ABHD17C: variants seen among roughly 807,000 people sequenced by gnomAD.
ABHD17C encodes the protein abhydrolase domain containing 17C, depalmitoylase.
A neutral mutation model predicts 27.9 loss-of-function variants in ABHD17C; 11 were observed. The ratio of observed to expected loss-of-function variants is 0.39; its 90% CI spans 0.25 to 0.65. ABHD17C has a LOEUF of 0.65. Ranked by LOEUF, ABHD17C falls within the 30% of genes least tolerant of loss-of-function variation. The pLI is 0.45. For synonymous variants in ABHD17C, 233 were observed against 209.1 expected, an observed-to-expected ratio of 1.11 and a Z score of -0.98; for missense variants, 280 against 470.2, an observed-to-expected ratio of 0.60 and a Z score of 3.74.
chr15:80,738,761 G>A (rs916286293), intron 1 of ABHD17C, among the ~76,000 whole-genome samples: 2 of 152,142 alleles, frequency 1.3e-5, no homozygotes, highest in Admixed American at 1.3e-4. Flanking sequence ...GGGATGGGGT[G>A]CTCAGGAGGA....
At chr15:80,715,582 A>G (rs1406120797) in intron 1 of ABHD17C, among the ~76,000 whole-genome samples, 1 of 152,246 alleles carries the variant, frequency 6.6e-6, no homozygotes, top group Non-Finnish European at 1.5e-5. Context: ...AGGGAAAGAT[A>G]TGAATGAATG....
chr15:80,724,180 A>C (rs1232408611), intron 1 of ABHD17C, among the ~76,000 whole-genome samples: 1 of 151,996 alleles, frequency 6.6e-6, no homozygotes, highest in Non-Finnish European at 1.5e-5. Flanking sequence ...TCTACAAAAA[A>C]AATTAAAAAA....
chr15:80,718,875 A>G lies in ABHD17C; in HGVS notation c.590+22856A>G, dbSNP rs531882215. Among the ~76,000 whole-genome samples the G allele has an allele frequency of 2.0e-5, 3 of 152,298 alleles. No individual in the cohort carries two copies. The East Asian group carries it at 5.8e-4, about 29-fold the overall frequency. On this transcript the variant is annotated intron_variant, in intron 1 of 2. Transcript: ENST00000258884. ...GAGGAGAGAGATAATAACTTTGTGT[A>G]ACTTTGTCAGTCAGTCTGAATAATG...
At chr15:80,710,719 C>G (rs946456072) in intron 1 of ABHD17C, among the ~76,000 whole-genome samples, 1 of 151,714 alleles carries the variant, frequency 6.6e-6, no homozygotes, top group Non-Finnish European at 1.5e-5. Flanking sequence ...GATTTTTTTT[C>G]TTTTTTTTCT....
intron 1 of ABHD17C, among the ~76,000 whole-genome samples, chr15:80,704,271 T>A (rs1424363374): frequency 6.6e-6 from 1 of 152,132 alleles, no homozygotes; most frequent in Non-Finnish European, 1.5e-5. Flanking sequence ...TGGGGTTGGC[T>A]CCTCTCATCT....
At chr15:80,727,396 T>C (rs1894996549) in intron 1 of ABHD17C, among the ~76,000 whole-genome samples, 1 of 152,228 alleles carries the variant, frequency 6.6e-6, no homozygotes, top group Non-Finnish European at 1.5e-5. Context: ...ATGGTGCTTC[T>C]GTTAAAGAAT....
intron 1 of ABHD17C, among the ~76,000 whole-genome samples, chr15:80,746,437 CT>C (rs898513901): frequency 1.2e-4 from 18 of 148,240 alleles, no homozygotes; most frequent in African/African-American, 4.2e-4. Flanking sequence ...TACTTTCTGT[CT>C]TTTTTTTTTC....
At chr15:80,728,315 C>G (rs1271862692) in intron 1 of ABHD17C, among the ~76,000 whole-genome samples, 2 of 152,216 alleles carry the variant, frequency 1.3e-5, no homozygotes, top group African/African-American at 4.8e-5. Flanking sequence ...CTGGCGTCTT[C>G]CTGATGTACA....
At chr15:80,738,991 A>G (rs1275213983) in intron 1 of ABHD17C, among the ~76,000 whole-genome samples, 1 of 152,188 alleles carries the variant, frequency 6.6e-6, no homozygotes, top group Non-Finnish European at 1.5e-5. Flanking sequence ...GAAAGGGGTG[A>G]GGATTGAGCT....
rs1303828449 is a variant in ABHD17C, at chr15:80,755,148, G to T, written c.*778G>T. On this transcript the variant is annotated 3_prime_UTR_variant, in exon 3 of 3. Transcript: ENST00000258884. ...CATTGTGCATAGATTCTTAATGGTA[G>T]ATATGATTTCTTTTGTCAGGCTACA... 6.6e-6 allele frequency: 1 copy of T among 152,148 alleles called. No homozygotes were observed. Among genetic ancestry groups the T allele is most frequent in the Non-Finnish European group, 1.5e-5 (1 of 68,034 alleles). 9.4% of individuals were successfully genotyped at this position (152,148 alleles called of 1,614,324 possible).
At chr15:80,743,365 G>C (rs1048344960) in intron 1 of ABHD17C, among the ~76,000 whole-genome samples, 4 of 152,074 alleles carry the variant, frequency 2.6e-5, no homozygotes, top group Non-Finnish European at 1.5e-5. Context: ...TGTGTACTTA[G>C]GGAGCAGGAA....
chr15:80,751,088 G>A (rs1167967622), intron 2 of ABHD17C, among the ~76,000 whole-genome samples: 2 of 151,904 alleles, frequency 1.3e-5, no homozygotes, highest in African/African-American at 4.8e-5. Context: ...GATTGCTCAC[G>A]CCTGTAATCC....
Position 80,749,039 on chromosome 15 carries a change from C to G in ABHD17C, c.591-474C>G, listed in dbSNP as rs1895330343. Among the ~76,000 whole-genome samples the G allele has an allele frequency of 5.3e-5, 8 of 152,118 alleles. No individual in the cohort carries two copies. In the South Asian group the frequency reaches 1.7e-3, roughly 32 times the overall value. ...TAATTGTCTTCAAACTAATTGTCTC[C>G]CAGTAAAACTTTTTCTGATAAATGT... On this transcript the variant is annotated intron_variant, in intron 1 of 2. Transcript: ENST00000258884.
In ABHD17C at chr15:80,695,630, C is replaced by A; in HGVS notation, c.201C>A (p.Ala67=). The part of the protein sequence containing the change: ...PAPAQATAAA[A]AAQPAPQQPE... ...CGGCCCAGGCTACCGCCGCCGCCGC[C>A]GCGGCCCAGCCGGCACCGCAGCAGC... The change falls in exon 1 of 3, where the codon GCC becomes GCA. Residue 67 remains alanine (A), a synonymous_variant. Coordinates refer to ENST00000258884, the MANE Select transcript of ABHD17C (RefSeq NM_021214.2). The surrounding 1 kb of genome is among the most constrained non-coding windows in gnomAD (Gnocchi z 4.3). 1 of 1,205,556 alleles carries A rather than the reference C, an allele frequency of 8.3e-7. No homozygotes were observed. Among genetic ancestry groups the A allele is most frequent in the East Asian group, 3.4e-5 (1 of 28,986 alleles). 74.7% of individuals were successfully genotyped at this position (1,205,556 alleles called of 1,614,324 possible).
intron 1 of ABHD17C, among the ~76,000 whole-genome samples, chr15:80,725,430 C>T (rs1198801454): frequency 6.6e-6 from 1 of 152,162 alleles, no homozygotes; most frequent in Non-Finnish European, 1.5e-5. Flanking sequence ...AGTATTATAG[C>T]TTTGCTTATT....
intron 1 of ABHD17C, among the ~76,000 whole-genome samples, chr15:80,748,730 T>C (rs1895325896): frequency 6.7e-6 from 1 of 149,124 alleles, no homozygotes; most frequent in Non-Finnish European, 1.5e-5. Flanking sequence ...CTGAGGTGGC[T>C]CACTGTGATC....
intron 1 of ABHD17C, among the ~76,000 whole-genome samples, chr15:80,746,518 G>A (rs1253550927): frequency 1.3e-5 from 2 of 151,998 alleles, no homozygotes; most frequent in South Asian, 2.1e-4. Flanking sequence ...TGGTTGTCAC[G>A]AAGGATGTGA....
At chr15:80,736,707 A>G (rs948302474) in intron 1 of ABHD17C, among the ~76,000 whole-genome samples, 27 of 152,170 alleles carry the variant, frequency 1.8e-4, no homozygotes, top group Non-Finnish European at 1.5e-5. Context: ...TTGACTTCAA[A>G]GTCAGTGGAA....
intron 1 of ABHD17C, among the ~76,000 whole-genome samples, chr15:80,726,603 C>A (rs192010294): frequency 6.8e-4 from 103 of 150,954 alleles, no homozygotes; most frequent in African/African-American, 2.4e-3. Context: ...GCTCCGCCCC[C>A]CCGCGTTCAC....
Sources: allele counts gnomAD v4.1 joint callset (sites outside exome capture counted in the v4.1 genomes callset), GRCh38; gene constraint gnomAD v4.1.1; non-coding constraint Gnocchi (gnomAD v3.1); transcripts MANE v1.5; gene names NCBI Gene and HGNC (gene_info 2026-07-23, HGNC 2026-07-21).